The following CLDND1 variants were observed in gnomAD, a reference collection of about 807,000 sequenced individuals.
CLDND1 encodes claudin domain-containing protein 1.
CLDND1 carries 13 observed loss-of-function variants against 26.3 expected under a neutral mutation model. The ratio of observed to expected loss-of-function variants is 0.49; its 90% CI spans 0.32 to 0.78. The LOEUF (loss-of-function observed/expected upper bound fraction) is 0.78, where lower values mean the gene tolerates loss of function less well. Among genes scored for constraint, CLDND1 ranks in the 30% least tolerant of loss-of-function variants. The probability of loss-of-function intolerance (pLI) is 0.03; values close to 1 mark genes in which losing one functional copy is unlikely to be tolerated. For missense variants in CLDND1, 289 were observed against 312.8 expected (o/e 0.92, Z 0.57); for synonymous variants, 107 against 107.0 (o/e 1.00, Z 0.00).
chr3:98,518,733 CA>C, intron 3 of CLDND1, 151 bp downstream of exon 3: 1 of 582,884 alleles, frequency 1.7e-6, no homozygotes, highest in Non-Finnish European at 3.1e-6. Flanking sequence ...TCTAAAATAT[CA>C]ACAGAATAGA....
rs1331073846 is a variant in CLDND1, at chr3:98,517,084, G to A, written c.509C>T (p.Thr170Ile). 6.2e-7 allele frequency: 1 copy of A among 1,614,056 alleles called. No homozygotes were observed. Among genetic ancestry groups the A allele is most frequent in the Non-Finnish European group, 8.5e-7 (1 of 1,180,024 alleles). ...GAGATGGAGAATGCCCGTGGCAATG[G>A]TGGGATATAAGCTTCGGCAAATGCA... is the stretch of plus-strand genomic sequence containing the variant. Reference protein sequence around the residue: ...CACICRSLYPTIATGILHLLA... With the variant: ...CACICRSLYPIIATGILHLLA... Residue 170 changes from threonine (T) to isoleucine (I), a missense_variant, in exon 4 of 5, where the codon ACC (threonine) becomes ATC (isoleucine). Transcript: ENST00000341181.
Position 98,516,005 on chromosome 3 carries a change from C to G in CLDND1, c.*654G>C, listed in dbSNP as rs1281397055. On this transcript the variant is annotated 3_prime_UTR_variant, in exon 5 of 5. Transcript: ENST00000341181. ...GTTAAAAATAATACTAATCCTCGCC[C>G]GGCTGAACTGGAATTCTTGCAGTTA... is the stretch of plus-strand genomic sequence containing the variant. 8.6e-7 allele frequency: 1 copy of G among 1,160,056 alleles called. No homozygotes were observed. The highest frequency in any genetic ancestry group is 3.8e-5 in the Admixed American group (1 of 26,194). 71.9% of individuals were successfully genotyped at this position (1,160,056 alleles called of 1,614,324 possible). A position where few individuals can be genotyped will look rare whatever the true frequency, so the allele number is the denominator to read the frequency against.
chr3:98,515,733 C>A lies in CLDND1; in HGVS notation c.*926G>T, dbSNP rs1488866722. On this transcript the variant is annotated 3_prime_UTR_variant, in exon 5 of 5. Transcript: ENST00000341181. ...ATCATATTACCACAAGAAATAAAGACCATAGTTGGAGGTTAATGGACAGCC... is the reference window on the plus strand; with the variant it reads ...ATCATATTACCACAAGAAATAAAGAACATAGTTGGAGGTTAATGGACAGCC... 1 of 1,289,410 alleles carries A rather than the reference C, an allele frequency of 7.8e-7. No homozygotes were observed. The highest frequency in any genetic ancestry group is 2.3e-5 in the Admixed American group (1 of 43,520). The allele number at this position is 1,289,410 out of a possible 1,614,324, so 79.9% of individuals were successfully genotyped here. A position where few individuals can be genotyped will look rare whatever the true frequency, so the allele number is the denominator to read the frequency against.
At position 98,516,688 on chromosome 3, in the gene CLDND1, T is replaced by C. The variant is rs916374071; in HGVS notation, c.733A>G (p.Thr245Ala). ...GCCACACGATATGCCTTCATTAAGGTGTACTCTTTCCGGTTGGTGTGAGCA... is the reference window on the plus strand; with the variant it reads ...GCCACACGATATGCCTTCATTAAGGCGTACTCTTTCCGGTTGGTGTGAGCA... ...WAAHTNRKEY[T>A]LMKAYRVA is the part of the protein sequence containing the mutation. The change falls in exon 5 of 5, where the codon ACC becomes GCC. Residue 245 changes from threonine (T) to alanine (A), a missense_variant. Physicochemically the swap from Thr to Ala is moderately conservative, Grantham distance 58. Coordinates refer to ENST00000341181, the MANE Select transcript of CLDND1 (RefSeq NM_001040181.2). 1 of 1,614,112 alleles carries C rather than the reference T, an allele frequency of 6.2e-7. No homozygotes were observed. Among genetic ancestry groups the C allele is most frequent in the Middle Eastern group, 1.7e-4 (1 of 6,060 alleles).
Position 98,516,102 on chromosome 3 carries a change from C to T in CLDND1, c.*557G>A, listed in dbSNP as rs922189058. On this transcript the variant is annotated 3_prime_UTR_variant, in exon 5 of 5. Coordinates refer to ENST00000341181, the MANE Select transcript of CLDND1 (RefSeq NM_001040181.2). ...ACAGACACAGTGCAGATACAAACAG[C>T]TGCCATATCTCACCTCAGATGAAGC... is the stretch of plus-strand genomic sequence containing the variant. The T allele has an allele frequency of 9.2e-7, 1 of 1,083,358 alleles. No individual in the cohort carries two copies. The highest frequency in any genetic ancestry group is 1.7e-5 in the African/African-American group (1 of 59,956). 67.1% of individuals were successfully genotyped at this position (1,083,358 alleles called of 1,614,324 possible). A position where few individuals can be genotyped will look rare whatever the true frequency, so the allele number is the denominator to read the frequency against.
Position 98,515,815 on chromosome 3 carries a change from G to C in CLDND1, c.*844C>G, listed in dbSNP as rs750496714. ...CTCTGGAGGGTCATTATGGTGAAAC[G>C]TTCTTTATAGTACTGGGCTGGAATA... On this transcript the variant is annotated 3_prime_UTR_variant, in exon 5 of 5. Transcript: ENST00000341181. The C allele has an allele frequency of 7.8e-7, 1 of 1,289,510 alleles. No individual in the cohort carries two copies. The highest frequency in any genetic ancestry group is 2.3e-5 in the Admixed American group (1 of 43,548). 79.9% of individuals were successfully genotyped at this position (1,289,510 alleles called of 1,614,324 possible). A position where few individuals can be genotyped will look rare whatever the true frequency, so the allele number is the denominator to read the frequency against.
chr3:98,521,078 G>A (rs1706387654), intron 2 of CLDND1, 55 bp downstream of exon 2: 5 of 1,480,490 alleles, frequency 3.4e-6, no homozygotes, highest in African/African-American at 1.4e-5. Flanking sequence ...TCATTACGTC[G>A]TTTTGTCTAT....
intron 3 of CLDND1, 82 bp downstream of exon 3, chr3:98,518,801 CTT>C (rs1559654120): frequency 2.5e-6 from 2 of 812,922 alleles, no homozygotes; most frequent in African/African-American, 3.4e-5. Context: ...ACTAACTCAT[CTT>C]ATTCCAAAAA....
In CLDND1 at chr3:98,516,365, G is replaced by A. The variant is rs749654908; in HGVS notation, c.*294C>T. ...ACAGACATTAGCACAACTTGTTTTC[G>A]GTCACATTCCTACTCCCAATTTTCT... On this transcript the variant is annotated 3_prime_UTR_variant, in exon 5 of 5. Coordinates refer to ENST00000341181, the MANE Select transcript of CLDND1 (RefSeq NM_001040181.2). The A allele has an allele frequency of 5.3e-5, 60 of 1,127,290 alleles. No individual in the cohort carries two copies. The South Asian group carries it at 6.0e-4, about 11-fold the overall frequency. The allele number at this position is 1,127,290 out of a possible 1,614,324, so 69.8% of individuals were successfully genotyped here. A position where few individuals can be genotyped will look rare whatever the true frequency, so the allele number is the denominator to read the frequency against.
rs1706127252 is a variant in CLDND1 at position 98,516,107 on chromosome 3, A to G, written c.*552T>C. 31 of 1,083,246 alleles carry G rather than the reference A, an allele frequency of 2.9e-5. 1 individual carries two copies. The South Asian group carries it at 7.4e-4, about 26-fold the overall frequency. 67.1% of individuals were successfully genotyped at this position (1,083,246 alleles called of 1,614,324 possible). ...CACAGTGCAGATACAAACAGCTGCC[A>G]TATCTCACCTCAGATGAAGCTATGT... is the stretch of plus-strand genomic sequence containing the variant. On this transcript the variant is annotated 3_prime_UTR_variant, in exon 5 of 5. Transcript: ENST00000341181.
Position 98,517,162 on chromosome 3 carries a change from G to A in CLDND1, c.431C>T (p.Pro144Leu). 6.2e-7 allele frequency: 1 copy of A among 1,613,602 alleles called. No homozygotes were observed. The highest frequency in any genetic ancestry group is 8.5e-7 in the Non-Finnish European group (1 of 1,179,874). Residue 144 changes from proline to leucine, a missense_variant, in exon 4 of 5, where the codon CCT becomes CTT. By Grantham distance (98) the Pro-to-Leu change is moderately conservative. Transcript: ENST00000341181. Reference protein sequence around the residue: ...TYLWRCQFLLPFVSLGLMCFG... With the variant: ...TYLWRCQFLLLFVSLGLMCFG... Reference sequence around the variant, plus strand: ...GCACATCAAACCTAAACTCACAAAAGGTAAAAGGAACTGGCAACGCCAAAG... The same window carrying A: ...GCACATCAAACCTAAACTCACAAAAAGTAAAAGGAACTGGCAACGCCAAAG...
At position 98,522,602 on chromosome 3, in the gene CLDND1, C is replaced by T. The variant is rs575816214; in HGVS notation, c.-19+247G>A. 5 of 1,383,920 alleles carry T rather than the reference C, an allele frequency of 3.6e-6. No homozygotes were observed. The South Asian group carries it at 6.5e-5, about 18-fold the overall frequency. 85.7% of individuals were successfully genotyped at this position (1,383,920 alleles called of 1,614,324 possible). The stretch of plus-strand genomic sequence containing the variant: ...CCAAGCCGGACGCCTGCAGCAGCCA[C>T]CTCCTGGGCCTCACGGCGGGGCCGG... On this transcript the variant is annotated intron_variant, in intron 1 of 4. Transcript: ENST00000341181.
intron 3 of CLDND1, 105 bp from the exon 4 acceptor site, chr3:98,517,294 G>A (rs923752010): frequency 7.5e-7 from 1 of 1,341,500 alleles, no homozygotes; most frequent in African/African-American, 1.5e-5. Flanking sequence ...CTCAAAAAGT[G>A]TGAAAGTATT....
At chr3:98,520,506 A>G (rs183773731) in intron 2 of CLDND1, among the ~76,000 whole-genome samples, 3 of 152,338 alleles carry the variant, frequency 2.0e-5, no homozygotes, top group Non-Finnish European at 2.9e-5. Context: ...ATAACTGGAA[A>G]TCAAAATCTT....
rs1706385647 is a variant in CLDND1, at chr3:98,521,034, G to GAA, written c.292+97_292+98dup. ...CGATTTATTTCTTTAAGGAGAGAGA[G>GAA]AACCAACAAACCTGCTTACATGTAA... On this transcript the variant is annotated intron_variant, in intron 2 of 4. Transcript: ENST00000341181. 3.9e-6 allele frequency: 4 copies of GAA among 1,028,842 alleles called. No individual in the cohort carries two copies. The East Asian group carries it at 9.5e-5, about 25-fold the overall frequency. 63.7% of individuals were successfully genotyped at this position (1,028,842 alleles called of 1,614,324 possible). A position where few individuals can be genotyped will look rare whatever the true frequency, so the allele number is the denominator to read the frequency against.
chr3:98,516,673 A>G lies in CLDND1; in HGVS notation c.748T>C (p.Tyr250His), dbSNP rs758958263. 6.2e-7 allele frequency: 1 copy of G among 1,614,170 alleles called. No individual in the cohort carries two copies. Among genetic ancestry groups the G allele is most frequent in the East Asian group, 2.2e-5 (1 of 44,884 alleles). ...NRKEYTLMKAYRVA is the reference protein window; with the variant it reads ...NRKEYTLMKAHRVA ...CAGTTTCTTGCTCATGCCACACGATATGCCTTCATTAAGGTGTACTCTTTC... is the reference window on the plus strand; with the variant it reads ...CAGTTTCTTGCTCATGCCACACGATGTGCCTTCATTAAGGTGTACTCTTTC... Residue 250 changes from tyrosine (Y) to histidine (H), a missense_variant, in exon 5 of 5, where the codon TAT becomes CAT. Coordinates refer to ENST00000341181, the MANE Select transcript of CLDND1 (RefSeq NM_001040181.2).
Position 98,521,251 on chromosome 3 carries a change from C to G in CLDND1, c.174G>C (p.Glu58Asp). 1 of 1,614,196 alleles carries G rather than the reference C, an allele frequency of 6.2e-7. No homozygotes were observed. The highest frequency in any genetic ancestry group is 8.5e-7 in the Non-Finnish European group (1 of 1,180,028). ...CATCATTATAAGTCTTTTCATCTGC[C>G]TCATCACTAATGAATTCATCCCAGA... ...KSIWDEFISD[E>D]ADEKTYNDAL... The change falls in exon 2 of 5, where the codon GAG (glutamate) becomes GAC (aspartate). Residue 58 changes from glutamate (E) to aspartate (D), a missense_variant. Transcript: ENST00000341181.
At chr3:98,518,602 T>C (rs1464055443) in intron 3 of CLDND1, 1 of 348,006 alleles carries the variant, frequency 2.9e-6, no homozygotes, top group Non-Finnish European at 5.2e-6. Context: ...TCAACTAAAT[T>C]TCCTTTTACT....
At chr3:98,518,100 T>C (rs1187768524) in intron 3 of CLDND1, among the ~76,000 whole-genome samples, 1 of 152,184 alleles carries the variant, frequency 6.6e-6, no homozygotes, top group Non-Finnish European at 1.5e-5. Flanking sequence ...CATTTTCCAA[T>C]AATATTCATT....
Sources: allele counts gnomAD v4.1 joint callset (sites outside exome capture counted in the v4.1 genomes callset), GRCh38; gene constraint gnomAD v4.1.1; transcripts MANE v1.5; gene names NCBI Gene and HGNC (gene_info 2026-07-23, HGNC 2026-07-21).